The following PAN3 variants were observed in gnomAD, a reference collection of about 807,000 sequenced individuals.
PAN3 encodes poly(A) specific ribonuclease subunit PAN3, also known as PAN2-PAN3 deadenylation complex subunit PAN3.
A neutral mutation model predicts 96.2 loss-of-function variants in PAN3; 19 were observed. The observed-to-expected ratio is 0.20, with a 90% CI of 0.14 to 0.29. The LOEUF (loss-of-function observed/expected upper bound fraction) is 0.29. Among genes scored for constraint, PAN3 ranks in the 10% least tolerant of loss-of-function variants. PAN3 has a pLI of 1.00. For synonymous variants in PAN3, 433 were observed against 406.6 expected, an observed-to-expected ratio of 1.06 and a Z score of -0.78; for missense variants, 882 against 1,108.1, an observed-to-expected ratio of 0.80 and a Z score of 2.90.
At chr13:28,186,536 C>T (rs1266434038) in intron 4 of PAN3, among the ~76,000 whole-genome samples, 1 of 147,468 alleles carries the variant, frequency 6.8e-6, no homozygotes, top group East Asian at 2.1e-4. Flanking sequence ...TATTTATGAT[C>T]TGCAATTTAA....
At chr13:28,215,683 A>C in intron 5 of PAN3, 1 of 1,482,664 alleles carries the variant, frequency 6.7e-7, no homozygotes, top group Middle Eastern at 2.4e-4. Flanking sequence ...GATGGCCCTA[A>C]ATTCTTGAAG....
intron 4 of PAN3, 34 bp downstream of exon 4, chr13:28,177,969 G>A: frequency 1.3e-6 from 2 of 1,554,046 alleles, no homozygotes; most frequent in Non-Finnish European, 1.8e-6. Context: ...TAAACTAAAT[G>A]GAATTTAGAA....
intron 18 of PAN3, among the ~76,000 whole-genome samples, chr13:28,289,729 A>C (rs1035433960): frequency 2.0e-5 from 3 of 152,108 alleles, no homozygotes; most frequent in Non-Finnish European, 4.4e-5. Context: ...AAAAATTAAA[A>C]AAGTTAGCCG....
intron 1 of PAN3, among the ~76,000 whole-genome samples, chr13:28,139,551 T>TGTGTGTGTGTGTGTGTGTG (rs60579592): frequency 2.3e-5 from 2 of 87,000 alleles, no homozygotes; most frequent in African/African-American, 4.2e-5. Context: ...TGTGTGTGTG[T>TGTGTGTGTGTGTGTGTGTG]AGGGGGCGGG....
At chr13:28,222,460 G>A (rs564990928) in intron 6 of PAN3, among the ~76,000 whole-genome samples, 1 of 152,154 alleles carries the variant, frequency 6.6e-6, no homozygotes, top group African/African-American at 2.4e-5. Context: ...GAATTCTAAT[G>A]ACTATTATTT....
intron 4 of PAN3, among the ~76,000 whole-genome samples, chr13:28,183,572 G>A (rs1876079671): frequency 6.6e-6 from 1 of 152,144 alleles, no homozygotes. Flanking sequence ...TCGGGGTATG[G>A]GGAAGACACC....
intron 1 of PAN3, among the ~76,000 whole-genome samples, chr13:28,163,766 AT>A (rs1219678679): frequency 3.3e-5 from 5 of 152,204 alleles, no homozygotes; most frequent in Non-Finnish European, 7.3e-5. Context: ...TCGTTATATG[AT>A]TCTTGTAAAG....
chr13:28,172,932 G>T (rs1349259155), intron 1 of PAN3, among the ~76,000 whole-genome samples: 2 of 152,176 alleles, frequency 1.3e-5, no homozygotes, highest in Non-Finnish European at 2.9e-5. Flanking sequence ...AGACTTGAGG[G>T]TTGCAACCCA....
chr13:28,251,875 G>GGTTTGTTGGTTT, intron 6 of PAN3, among the ~76,000 whole-genome samples: 1 of 150,232 alleles, frequency 6.7e-6, no homozygotes, highest in African/African-American at 2.5e-5. Context: ...TCTTGGGGTT[G>GGTTTGTTGGTTT]GTTTGTTTGT....
chr13:28,213,245 A>C (rs977668325), intron 5 of PAN3, among the ~76,000 whole-genome samples: 1 of 152,202 alleles, frequency 6.6e-6, no homozygotes, highest in Admixed American at 6.5e-5. Context: ...GATTTAAGGT[A>C]TACAGGAGTA....
intron 1 of PAN3, among the ~76,000 whole-genome samples, chr13:28,145,745 C>T (rs1051504915): frequency 6.6e-6 from 1 of 150,462 alleles, no homozygotes; most frequent in South Asian, 2.1e-4. Flanking sequence ...TGGAAGCCAC[C>T]GTGCCAAGCT....
intron 4 of PAN3, among the ~76,000 whole-genome samples, chr13:28,193,759 C>G (rs1022474708): frequency 2.1e-5 from 3 of 146,250 alleles, no homozygotes; most frequent in Non-Finnish European, 4.5e-5. Flanking sequence ...AAAAAAAACC[C>G]AAGAAACAAA....
At chr13:28,213,612 G>A (rs759217741) in intron 5 of PAN3, among the ~76,000 whole-genome samples, 2 of 149,430 alleles carry the variant, frequency 1.3e-5, no homozygotes, top group Non-Finnish European at 3.0e-5. Context: ...CTATGGTTAT[G>A]TAAGATGTTA....
In PAN3 at chr13:28,138,581, T is replaced by C; in HGVS notation, c.-77T>C. The C allele has an allele frequency of 2.3e-6, 1 of 442,676 alleles. No individual in the cohort carries two copies. The highest frequency in any genetic ancestry group is 3.9e-6 in the Non-Finnish European group (1 of 256,714). The allele number at this position is 442,676 out of a possible 1,614,324, so 27.4% of individuals were successfully genotyped here. A position where few individuals can be genotyped will look rare whatever the true frequency, so the allele number is the denominator to read the frequency against. ...CTTTTATCCGGCACCGGCAGCGTCT[T>C]CCTTTCCTCCCCCGTCTATGGTGGT... is the stretch of plus-strand genomic sequence containing the variant. On this transcript the variant is annotated 5_prime_UTR_variant, in exon 1 of 19. Coordinates refer to ENST00000380958, the MANE Select transcript of PAN3 (RefSeq NM_175854.8).
At chr13:28,222,311 A>T (rs1566201187) in intron 6 of PAN3, among the ~76,000 whole-genome samples, 1 of 151,866 alleles carries the variant, frequency 6.6e-6, no homozygotes, top group Non-Finnish European at 1.5e-5. Flanking sequence ...TAATTAATTT[A>T]AAAATTAAAT....
chr13:28,149,165 G>C (rs559066587), intron 1 of PAN3, among the ~76,000 whole-genome samples: 19 of 152,054 alleles, frequency 1.2e-4, no homozygotes, highest in Non-Finnish European at 2.1e-4. Flanking sequence ...GTCCAGCCTG[G>C]GCAATGTAGT....
At chr13:28,159,391 A>G (rs1235682959) in intron 1 of PAN3, among the ~76,000 whole-genome samples, 1 of 152,186 alleles carries the variant, frequency 6.6e-6, no homozygotes, top group Non-Finnish European at 1.5e-5. Flanking sequence ...TATAAGTGGG[A>G]ACTAAATATT....
chr13:28,154,124 A>C (rs1871769074), intron 1 of PAN3, among the ~76,000 whole-genome samples: 1 of 152,220 alleles, frequency 6.6e-6, no homozygotes, highest in African/African-American at 2.4e-5. Context: ...CAATTTATTT[A>C]GTTGTTGATA....
At chr13:28,217,046 A>G (rs368243574) in intron 5 of PAN3, among the ~76,000 whole-genome samples, 3 of 151,752 alleles carry the variant, frequency 2.0e-5, no homozygotes, top group African/African-American at 7.2e-5. Flanking sequence ...CCCGGGGGGC[A>G]GAAGTTGCAG....
Sources: gnomAD v4.1 joint callset for allele counts (sites outside exome capture counted in the v4.1 genomes callset) on GRCh38, gnomAD v4.1.1 for gene constraint, MANE v1.5 for transcripts, NCBI Gene and HGNC (gene_info 2026-07-23, HGNC 2026-07-21) for gene names.